Variants in PHACTR3 observed in about 807,000 individuals in gnomAD.
The protein encoded by PHACTR3 is protein phosphatase 1, regulatory subunit 123.
In PHACTR3, 16 loss-of-function variants were observed where a neutral mutation model predicts 66.8. That is an observed-to-expected ratio of 0.24 (90% CI 0.16 to 0.36). PHACTR3 has a LOEUF of 0.36. PHACTR3 is among the 10% of genes least tolerant of loss of function. The pLI is 1.00. For synonymous variants in PHACTR3, 323 were observed against 292.1 expected (o/e 1.11, Z -1.08); for missense variants, 647 against 719.9 (o/e 0.90, Z 1.16).
At position 59,586,179 on chromosome 20, in the gene PHACTR3, G is replaced by A. The variant is rs115280407; in HGVS notation, c.109+8562G>A. ...GTGGTCATTCTGCCTCCTGGAGGCC[G>A]GCACAGACTTCCTGCCTCCTGCACA... is the stretch of plus-strand genomic sequence containing the variant. On this transcript the variant is annotated intron_variant, in intron 1 of 12. Coordinates refer to the PHACTR3 transcript ENST00000359926. Among the ~76,000 whole-genome samples the A allele has an allele frequency of 1.1e-3, 170 of 152,280 alleles. 1 individual carries two copies. The highest frequency in any genetic ancestry group is 4.0e-3 in the African/African-American group (166 of 41,552).
At chr20:59,587,753 CGGGGCTGGGGCTGGGGCTGGGGCCT>C (rs1026328213) in intron 1 of PHACTR3, among the ~76,000 whole-genome samples, 8 of 151,040 alleles carry the variant, frequency 5.3e-5, no homozygotes, top group Admixed American at 1.3e-4. Flanking sequence ...GGGCTGGAGC[CGGGGCTGGGGCTGGGGCTGGGGCCT>C]GGGCCCGGGT....
intron 1 of PHACTR3, among the ~76,000 whole-genome samples, chr20:59,589,305 C>T (rs2033123504): frequency 6.6e-6 from 1 of 152,174 alleles, no homozygotes; most frequent in Non-Finnish European, 1.5e-5. Context: ...TCCCCAAATG[C>T]GAAATCCCGA....
rs144251611 is a variant in PHACTR3 at position 59,778,461 on chromosome 20, C to T, written c.1174+3971C>T. ...TCCCTGGAGGTGTGCAAGGCTCCAC[C>T]GCGTTTAAAACATCGCTCAGTGCAG... On this transcript the variant is annotated intron_variant, in intron 7 of 12. Coordinates refer to ENST00000371015, the MANE Select transcript of PHACTR3 (RefSeq NM_080672.5). 6.7e-3 allele frequency among the ~76,000 whole-genome samples: 1,018 copies of T among 152,298 alleles called. 4 individuals are homozygous for T. Among genetic ancestry groups the T allele is most frequent in the Non-Finnish European group, 0.011 (738 of 68,034 alleles).
At chr20:59,653,065 AGT>A (rs2035506314) in intron 1 of PHACTR3, among the ~76,000 whole-genome samples, 1 of 152,226 alleles carries the variant, frequency 6.6e-6, no homozygotes, top group African/African-American at 2.4e-5. Context: ...TGAATTTTAA[AGT>A]GTGTAAATAT....
At chr20:59,801,408 C>T (rs922713708) in intron 7 of PHACTR3, among the ~76,000 whole-genome samples, 62 of 152,326 alleles carry the variant, frequency 4.1e-4, no homozygotes, top group Middle Eastern at 6.8e-3. Context: ...GAAGACAATT[C>T]AGTCCATGTT....
At position 59,659,393 on chromosome 20, in the gene PHACTR3, T is replaced by G. The variant is rs6015542; in HGVS notation, c.118+54261T>G. The stretch of plus-strand genomic sequence containing the variant: ...GACTTTTTTTTTTTTTTTTTTTTTT[T>G]GAGACAGTCTCGCTCTGTCACCAGG... On this transcript the variant is annotated intron_variant, in intron 1 of 12. Transcript: ENST00000371015. Among the ~76,000 whole-genome samples, 1,358 of 148,424 alleles carry G rather than the reference T, an allele frequency of 9.1e-3. 12 individuals carry two copies. Among genetic ancestry groups the G allele is most frequent in the African/African-American group, 0.032 (1,284 of 39,814 alleles).
At chr20:59,759,384 C>G (rs1242478035) in intron 4 of PHACTR3, among the ~76,000 whole-genome samples, 1 of 152,206 alleles carries the variant, frequency 6.6e-6, no homozygotes, top group Non-Finnish European at 1.5e-5. Flanking sequence ...CAGGAGTGTT[C>G]ACAGAAATCC....
intron 1 of PHACTR3, among the ~76,000 whole-genome samples, chr20:59,735,487 C>G (rs1329071028): frequency 1.3e-5 from 2 of 152,090 alleles, no homozygotes; most frequent in Non-Finnish European, 2.9e-5. Flanking sequence ...ATGGGGCTTT[C>G]CTTCCAATAT....
At chr20:59,805,937 G>A (rs2041552981) in intron 7 of PHACTR3, 104 bp from the exon 8 acceptor site, 2 of 1,268,188 alleles carry the variant, frequency 1.6e-6, no homozygotes, top group East Asian at 2.3e-5. Flanking sequence ...CTGGTCTGGA[G>A]TCCTTCCTCT....
At chr20:59,735,854 A>G (rs2038926600) in intron 1 of PHACTR3, among the ~76,000 whole-genome samples, 1 of 152,164 alleles carries the variant, frequency 6.6e-6, no homozygotes, top group African/African-American at 2.4e-5. Flanking sequence ...CAGAGCTAGG[A>G]TGGAAGGAAA....
chr20:59,704,601 G>A (rs1283720425), intron 1 of PHACTR3, among the ~76,000 whole-genome samples: 1 of 131,420 alleles, frequency 7.6e-6, no homozygotes, highest in Admixed American at 8.2e-5. Flanking sequence ...GATTGGAAAT[G>A]CACGTCTTAT....
At chr20:59,831,630 C>T (rs1487849035) in intron 8 of PHACTR3, among the ~76,000 whole-genome samples, 1 of 152,188 alleles carries the variant, frequency 6.6e-6, no homozygotes, top group Non-Finnish European at 1.5e-5. Context: ...ACCTACCCCG[C>T]CCCACCCCTC....
chr20:59,740,483 G>A (rs1331561762), intron 1 of PHACTR3, among the ~76,000 whole-genome samples: 6 of 152,086 alleles, frequency 3.9e-5, no homozygotes, highest in Non-Finnish European at 8.8e-5. Flanking sequence ...TTTTTTTGTA[G>A]AGGTGGAGTC....
intron 1 of PHACTR3, among the ~76,000 whole-genome samples, chr20:59,664,905 C>A (rs142333268): frequency 6.6e-6 from 1 of 152,156 alleles, no homozygotes; most frequent in Non-Finnish European, 1.5e-5. Context: ...GTATCCATTG[C>A]GGGCTGGGTG....
chr20:59,682,924 G>C (rs894613254), intron 1 of PHACTR3, among the ~76,000 whole-genome samples: 2 of 152,264 alleles, frequency 1.3e-5, no homozygotes, highest in Middle Eastern at 6.8e-3. Flanking sequence ...TGACGGGTCG[G>C]GGGGGACATT....
chr20:59,714,637 T>A (rs1489593084), intron 1 of PHACTR3, among the ~76,000 whole-genome samples: 1 of 152,234 alleles, frequency 6.6e-6, no homozygotes, highest in Non-Finnish European at 1.5e-5. Context: ...TTTGTTTTTT[T>A]TCTTCAAGAT....
rs114514514 is a variant in PHACTR3, at chr20:59,801,246, T to A, written c.1175-4795T>A. On this transcript the variant is annotated intron_variant, in intron 7 of 12. Transcript: ENST00000371015. ...GATTCCCCCTCCCTGGATTGTGGCCTGGCAACTCTCTAGAGGCAGTAGCTG... is the reference window on the plus strand; with the variant it reads ...GATTCCCCCTCCCTGGATTGTGGCCAGGCAACTCTCTAGAGGCAGTAGCTG... 4.1e-3 allele frequency among the ~76,000 whole-genome samples: 621 copies of A among 152,298 alleles called. 2 individuals carry two copies. Among genetic ancestry groups the A allele is most frequent in the African/African-American group, 0.014 (592 of 41,564 alleles).
intron 1 of PHACTR3, among the ~76,000 whole-genome samples, chr20:59,580,653 A>G (rs1221087551): frequency 6.6e-6 from 1 of 152,086 alleles, no homozygotes; most frequent in Non-Finnish European, 1.5e-5. Context: ...GCTCATTAAA[A>G]GTTGTGGCTT....
intron 7 of PHACTR3, among the ~76,000 whole-genome samples, chr20:59,778,481 G>C (rs759319720): frequency 6.6e-6 from 1 of 152,226 alleles, no homozygotes; most frequent in Non-Finnish European, 1.5e-5. Context: ...ACATCGCTCA[G>C]TGCAGGAAGC....
Sources: allele counts gnomAD v4.1 joint callset (sites outside exome capture counted in the v4.1 genomes callset), GRCh38; gene constraint gnomAD v4.1.1; transcripts MANE v1.5; gene names NCBI Gene and HGNC (gene_info 2026-07-23, HGNC 2026-07-21).